ZBTB7C: variants seen among roughly 807,000 people sequenced by gnomAD.
ZBTB7C encodes the protein zinc finger and BTB domain-containing protein 7C.
In ZBTB7C, 8 loss-of-function variants were observed where a neutral mutation model predicts 25.7. That is an observed-to-expected ratio of 0.31 (90% CI 0.18 to 0.56). ZBTB7C has a LOEUF of 0.56. Among genes scored for constraint, ZBTB7C ranks in the 20% least tolerant of loss-of-function variants. The pLI, the probability that ZBTB7C is intolerant of heterozygous loss-of-function variation, is 0.91. For synonymous variants in ZBTB7C, 394 were observed against 369.0 expected (o/e 1.07, Z -0.78); for missense variants, 824 against 855.2 (o/e 0.96, Z 0.46).
At chr18:48,337,470 C>T (rs2046482442) in intron 2 of ZBTB7C, among the ~76,000 whole-genome samples, 1 of 152,216 alleles carries the variant, frequency 6.6e-6, no homozygotes, top group East Asian at 1.9e-4. Context: ...CAAGGCCTTG[C>T]CTTCTAGGCC....
chr18:48,330,942 T>C (rs1455337070), intron 2 of ZBTB7C, among the ~76,000 whole-genome samples: 1 of 152,052 alleles, frequency 6.6e-6, no homozygotes, highest in Admixed American at 6.6e-5. Context: ...AACCAAGTGA[T>C]CCATAACCAA....
At chr18:48,063,567 G>C (rs1475343164) in intron 3 of ZBTB7C, among the ~76,000 whole-genome samples, 1 of 152,208 alleles carries the variant, frequency 6.6e-6, no homozygotes, top group Non-Finnish European at 1.5e-5. Flanking sequence ...AGGGAAGCAG[G>C]GAAAAGGAAG....
chr18:48,220,570 T>G (rs1367481314), intron 2 of ZBTB7C, among the ~76,000 whole-genome samples: 1 of 152,162 alleles, frequency 6.6e-6, no homozygotes, highest in Non-Finnish European at 1.5e-5. Context: ...GGGCCTGACA[T>G]GCCAAGTGCC....
chr18:48,208,014 T>A (rs1429211064), intron 2 of ZBTB7C, among the ~76,000 whole-genome samples: 1 of 133,500 alleles, frequency 7.5e-6, no homozygotes, highest in African/African-American at 2.8e-5. Flanking sequence ...TTGGACACTT[T>A]ACTGAAAAGG....
At chr18:48,193,359 ACT>A (rs2042242759) in intron 2 of ZBTB7C, among the ~76,000 whole-genome samples, 2 of 142,358 alleles carry the variant, frequency 1.4e-5, no homozygotes, top group Admixed American at 8.8e-5. Context: ...TAGAGGCTAG[ACT>A]CTGCCCAGCC....
At position 48,040,703 on chromosome 18, in the gene ZBTB7C, C is replaced by A. The variant is rs770602536; in HGVS notation, c.405G>T (p.Glu135Asp). Residue 135 changes from glutamate (E) to aspartate (D), a missense_variant, in exon 4 of 5, where the codon GAG becomes GAT. This residue lies in a region of ZBTB7C where 316 missense variants were observed against 299.2 expected (regional missense o/e 1.06). Transcript: ENST00000590800. ...EIMEPGGDGG[E>D]EDDKEDDDDD... ...CGTCATCGTCCTCCTTGTCATCCTCCTCCCCCCCGTCCCCCCCAGGCTCCA... is the reference window on the plus strand; with the variant it reads ...CGTCATCGTCCTCCTTGTCATCCTCATCCCCCCCGTCCCCCCCAGGCTCCA... 3.7e-6 allele frequency: 6 copies of A among 1,613,904 alleles called. No homozygotes were observed. In the Admixed American group the frequency reaches 8.3e-5, roughly 22 times the overall value.
At chr18:48,282,399 C>T (rs2044888402) in intron 2 of ZBTB7C, among the ~76,000 whole-genome samples, 1 of 151,436 alleles carries the variant, frequency 6.6e-6, no homozygotes, top group Non-Finnish European at 1.5e-5. Context: ...CAACATGGCA[C>T]ATGTATACAT....
intron 2 of ZBTB7C, among the ~76,000 whole-genome samples, chr18:48,313,346 G>C (rs2045867490): frequency 6.6e-6 from 1 of 152,174 alleles, no homozygotes; most frequent in Non-Finnish European, 1.5e-5. Context: ...CTAAGAGTGA[G>C]CCTAGGGCAG....
At chr18:48,178,610 C>T (rs1238979910) in intron 3 of ZBTB7C, among the ~76,000 whole-genome samples, 1 of 152,136 alleles carries the variant, frequency 6.6e-6, no homozygotes, top group African/African-American at 2.4e-5. Flanking sequence ...AAAATTAGTT[C>T]TGAGAGACAC....
chr18:48,228,482 T>C (rs2043162633), intron 2 of ZBTB7C, among the ~76,000 whole-genome samples: 1 of 152,096 alleles, frequency 6.6e-6, no homozygotes, highest in Non-Finnish European at 1.5e-5. Flanking sequence ...CACATCCTCT[T>C]GGGCCTCTCT....
intron 3 of ZBTB7C, among the ~76,000 whole-genome samples, chr18:48,050,583 C>T (rs1598781227): frequency 6.6e-6 from 1 of 152,318 alleles, no homozygotes; most frequent in East Asian, 1.9e-4. Context: ...CCAGGTGTTC[C>T]CTTACAGCTG....
In ZBTB7C at chr18:48,040,436, G is replaced by A. The variant is rs143162429; in HGVS notation, c.672C>T (p.Asp224=). ...CCCTTAGCAGAGATTCGATGGAGAA[G>A]TCCCGGATCACCCCCAGATGGCCAG... ...GSPGHLGVIR[D]FSIESLLREN... Residue 224 remains aspartate (D), a synonymous_variant, in exon 4 of 5, where the codon GAC becomes GAT. Coordinates refer to ENST00000590800, the MANE Select transcript of ZBTB7C (RefSeq NM_001318841.2). The A allele has an allele frequency of 6.2e-7, 1 of 1,608,018 alleles. No individual in the cohort carries two copies. The highest frequency in any genetic ancestry group is 1.3e-5 in the African/African-American group (1 of 74,790).
chr18:48,289,131 C>T (rs67780437), intron 2 of ZBTB7C, among the ~76,000 whole-genome samples: 1 of 152,144 alleles, frequency 6.6e-6, no homozygotes, highest in Non-Finnish European at 1.5e-5. Flanking sequence ...AATGGGACTG[C>T]TCACACACTC....
At chr18:48,331,207 C>T (rs1464308654) in intron 2 of ZBTB7C, among the ~76,000 whole-genome samples, 1 of 152,288 alleles carries the variant, frequency 6.6e-6, no homozygotes, top group Admixed American at 6.5e-5. Context: ...CGGCACCTTG[C>T]AGACAGAGCC....
intron 1 of ZBTB7C, among the ~76,000 whole-genome samples, chr18:48,375,111 G>A (rs1459047989): frequency 6.6e-6 from 1 of 152,232 alleles, no homozygotes; most frequent in East Asian, 1.9e-4. Flanking sequence ...GGAGACTCGA[G>A]CCTCTTTTAA....
chr18:48,390,409 AG>A (rs1437686486), intron 1 of ZBTB7C, among the ~76,000 whole-genome samples: 1 of 152,210 alleles, frequency 6.6e-6, no homozygotes, highest in Non-Finnish European at 1.5e-5. Context: ...TTTTTAAATT[AG>A]TTTTTTAACA....
chr18:48,219,037 T>TATA (rs2042891063), intron 2 of ZBTB7C, among the ~76,000 whole-genome samples: 2 of 152,278 alleles, frequency 1.3e-5, no homozygotes, highest in South Asian at 4.1e-4. Flanking sequence ...TCTCCAACTT[T>TATA]ATAATAACAG....
At chr18:48,141,339 C>A (rs771192107) in intron 3 of ZBTB7C, among the ~76,000 whole-genome samples, 1 of 152,096 alleles carries the variant, frequency 6.6e-6, no homozygotes, top group Non-Finnish European at 1.5e-5. Context: ...GATTCATGCT[C>A]GCATTGATTT....
chr18:48,080,173 C>A (rs1455769333), intron 3 of ZBTB7C, among the ~76,000 whole-genome samples: 2 of 152,190 alleles, frequency 1.3e-5, no homozygotes, highest in African/African-American at 2.4e-5. Context: ...GGCTTCTGAG[C>A]CAGCCTGCTG....
Sources: gnomAD v4.1 joint callset for allele counts (sites outside exome capture counted in the v4.1 genomes callset) on GRCh38, gnomAD v4.1.1 for gene constraint, gnomAD v4.1.1 regional missense constraint, MANE v1.5 for transcripts, NCBI Gene and HGNC (gene_info 2026-07-23, HGNC 2026-07-21) for gene names.